Variants in TBCD observed in about 807,000 individuals in gnomAD.
The protein encoded by TBCD is tubulin-specific chaperone D.
TBCD carries 105 observed loss-of-function variants against 169.3 expected under a neutral mutation model. The ratio of observed to expected loss-of-function variants is 0.62; its 90% CI spans 0.53 to 0.73. The LOEUF is 0.73. TBCD is among the 30% of genes least tolerant of loss of function. The probability of loss-of-function intolerance (pLI) is 0.00; values close to 1 mark genes in which losing one functional copy is unlikely to be tolerated. For missense variants in TBCD, 1,444 were observed against 1,600.1 expected, an observed-to-expected ratio of 0.90 and a Z score of 1.66; for synonymous variants, 700 against 643.9, an observed-to-expected ratio of 1.09 and a Z score of -1.32.
At chr17:82,939,342 C>T in intron 36 of TBCD, 25 bp from the exon 37 acceptor site, 1 of 1,590,640 alleles carries the variant, frequency 6.3e-7, no homozygotes, top group Non-Finnish European at 8.6e-7. Flanking sequence ...TTCCCTCCGG[C>T]AAATGCACTG....
intron 34 of TBCD, among the ~76,000 whole-genome samples, chr17:82,936,137 C>T (rs779178786): frequency 1.3e-5 from 2 of 152,198 alleles, no homozygotes; most frequent in African/African-American, 2.4e-5. Flanking sequence ...GTCATTATCA[C>T]GCTCACGTGT....
chr17:82,837,783 T>C (rs952215638), intron 13 of TBCD, among the ~76,000 whole-genome samples: 2 of 152,252 alleles, frequency 1.3e-5, no homozygotes, highest in African/African-American at 4.8e-5. Flanking sequence ...CCCTGACTGC[T>C]GCTGGCTAAT....
intron 28 of TBCD, chr17:82,926,974 T>C: frequency 1.5e-6 from 1 of 671,362 alleles, no homozygotes. Context: ...CCCATCCACC[T>C]TTCAACCGGA....
intron 14 of TBCD, among the ~76,000 whole-genome samples, chr17:82,877,355 T>G (rs1156334850): frequency 1.3e-5 from 2 of 152,220 alleles, no homozygotes; most frequent in Non-Finnish European, 2.9e-5. Context: ...ATAACTTTTT[T>G]TTTTTCTTGA....
intron 13 of TBCD, among the ~76,000 whole-genome samples, chr17:82,848,189 T>G (rs2055311938): frequency 6.6e-6 from 1 of 152,158 alleles, no homozygotes; most frequent in Admixed American, 6.5e-5. Context: ...TTCCAACACC[T>G]TCGCCCTGAG....
chr17:82,884,317 G>A lies in TBCD; in HGVS notation c.1533+115G>A, dbSNP rs1013435943. ...AGCTCACCCATCCACAGCAGGAGCCGCGAGGGAGCTGCTGAGAGTGCCAGC... is the reference window on the plus strand; with the variant it reads ...AGCTCACCCATCCACAGCAGGAGCCACGAGGGAGCTGCTGAGAGTGCCAGC... On this transcript the variant is annotated intron_variant, in intron 15 of 38. Transcript: ENST00000355528. The surrounding 1 kb of genome is among the most constrained non-coding windows in gnomAD (Gnocchi z 4.2). 6 of 975,310 alleles carry A rather than the reference G, an allele frequency of 6.2e-6. No homozygotes were observed. Among genetic ancestry groups the A allele is most frequent in the Admixed American group, 4.0e-5 (2 of 49,400 alleles). The allele number at this position is 975,310 out of a possible 1,614,324, so 60.4% of individuals were successfully genotyped here.
chr17:82,830,242 C>A, intron 13 of TBCD: 2 of 1,614,260 alleles, frequency 1.2e-6, no homozygotes, highest in South Asian at 1.1e-5. Context: ...ATCCCTTAGA[C>A]TTGTCCTCTT....
chr17:82,841,311 AT>A (rs1351658032), intron 13 of TBCD, among the ~76,000 whole-genome samples: 4 of 150,484 alleles, frequency 2.7e-5, no homozygotes, highest in African/African-American at 4.9e-5. Context: ...TTACTTTTAT[AT>A]TTAATTCCTT....
At chr17:82,769,586 T>C (rs1363493600) in intron 5 of TBCD, among the ~76,000 whole-genome samples, 1 of 152,136 alleles carries the variant, frequency 6.6e-6, no homozygotes, top group Non-Finnish European at 1.5e-5. Context: ...TAATTTAACC[T>C]ATACATTGGG....
intron 22 of TBCD, among the ~76,000 whole-genome samples, chr17:82,909,708 C>T (rs1173760159): frequency 2.0e-5 from 3 of 151,718 alleles, no homozygotes; most frequent in Non-Finnish European, 2.9e-5. Flanking sequence ...GGGTGTCACC[C>T]GGCCCGCTGT....
rs745594008 is a variant in TBCD at position 82,832,274 on chromosome 17, G to C, written c.1318+17340G>C. Reference sequence around the variant, plus strand: ...TTAGATTTAGGGCACTTGGGAACTCGATCCTGCTCTGATACTAAAGTAATC... The same window carrying C: ...TTAGATTTAGGGCACTTGGGAACTCCATCCTGCTCTGATACTAAAGTAATC... On this transcript the variant is annotated intron_variant, in intron 13 of 38. Transcript: ENST00000355528. The surrounding 1 kb of genome is among the most constrained non-coding windows in gnomAD (Gnocchi z 4.9). 3 of 1,614,120 alleles carry C rather than the reference G, an allele frequency of 1.9e-6. No individual in the cohort carries two copies. The highest frequency in any genetic ancestry group is 3.3e-5 in the Admixed American group (2 of 60,008).
In TBCD at chr17:82,889,835, A is replaced by G. The variant is rs1016854061; in HGVS notation, c.1563+138A>G. The G allele has an allele frequency of 2.6e-5, 25 of 954,268 alleles. No homozygotes were observed. The highest frequency in any genetic ancestry group is 3.9e-5 in the Non-Finnish European group (25 of 638,138). 59.1% of individuals were successfully genotyped at this position (954,268 alleles called of 1,614,324 possible). A position where few individuals can be genotyped will look rare whatever the true frequency, so the allele number is the denominator to read the frequency against. On this transcript the variant is annotated intron_variant, in intron 16 of 38. Coordinates refer to ENST00000355528, the MANE Select transcript of TBCD (RefSeq NM_005993.5). The surrounding 1 kb of genome is among the most constrained non-coding windows in gnomAD (Gnocchi z 5.3). ...ACATCAATGCCAGGGTCATGAGTTC[A>G]CTATAGGACGCACATGTTAAACAGC...
rs1258992486 is a variant in TBCD, at chr17:82,922,508, A to G, written c.2178+931A>G. Reference sequence around the variant, plus strand: ...TGCTTAGCATTTCTTTTTCCTTAGCATCTTCAATTTTCTTATTTTTTTTTT... The same window carrying G: ...TGCTTAGCATTTCTTTTTCCTTAGCGTCTTCAATTTTCTTATTTTTTTTTT... On this transcript the variant is annotated intron_variant, in intron 25 of 38. Coordinates refer to ENST00000355528, the MANE Select transcript of TBCD (RefSeq NM_005993.5). This position sits in a 1 kb window ranked among gnomAD's most constrained non-coding sequence, Gnocchi z 4.1. Among the ~76,000 whole-genome samples the G allele has an allele frequency of 1.3e-5, 2 of 152,128 alleles. No homozygotes were observed. The highest frequency in any genetic ancestry group is 1.5e-5 in the Non-Finnish European group (1 of 68,010).
intron 16 of TBCD, among the ~76,000 whole-genome samples, chr17:82,891,543 A>C (rs1223079565): frequency 1.3e-5 from 2 of 152,226 alleles, no homozygotes; most frequent in African/African-American, 4.8e-5. Context: ...GGTTGGATAG[A>C]AACATTTGAG....
chr17:82,797,898 A>C (rs1233122595), intron 8 of TBCD, 96 bp downstream of exon 8: 2 of 901,138 alleles, frequency 2.2e-6, no homozygotes, highest in African/African-American at 3.4e-5. Context: ...TAGATATAGG[A>C]ACTGTACATT....
rs574508735 is a variant in TBCD, at chr17:82,909,232, C to T, written c.1984-53C>T. The T allele has an allele frequency of 3.0e-4, 400 of 1,324,180 alleles. 5 individuals carry two copies. In the South Asian group the frequency reaches 5.1e-3, roughly 17 times the overall value. 82.0% of individuals were successfully genotyped at this position (1,324,180 alleles called of 1,614,324 possible). A position where few individuals can be genotyped will look rare whatever the true frequency, so the allele number is the denominator to read the frequency against. ...TGTTTTTGACAGTTGTTAACGTATA[C>T]GTATTATTTTAAAATTTAAATCATT... On this transcript the variant is annotated intron_variant, in intron 21 of 38. Transcript: ENST00000355528.
chr17:82,757,344 G>C (rs2047455408), intron 2 of TBCD, among the ~76,000 whole-genome samples: 1 of 152,132 alleles, frequency 6.6e-6, no homozygotes. Flanking sequence ...ATTTTGGCTG[G>C]GGGTGGTGGC....
Position 82,942,190 on chromosome 17 carries a change from C to T in TBCD, c.3565-259C>T, listed in dbSNP as rs149486623. On this transcript the variant is annotated intron_variant, in intron 38 of 38. Transcript: ENST00000355528. ...CATTTTTATTAGGAAAAATTTCAAA[C>T]GTGTGAATGCAGGTTAAGAGCAGTG... 6.0e-3 allele frequency: 3,303 copies of T among 551,254 alleles called. 22 individuals carry two copies. Among genetic ancestry groups the T allele is most frequent in the Non-Finnish European group, 6.8e-3 (2,147 of 314,990 alleles). The allele number at this position is 551,254 out of a possible 1,614,324, so 34.1% of individuals were successfully genotyped here. A position where few individuals can be genotyped will look rare whatever the true frequency, so the allele number is the denominator to read the frequency against.
At chr17:82,830,381 TGTAG>T (rs2053375558) in intron 13 of TBCD, 1 of 1,612,594 alleles carries the variant, frequency 6.2e-7, no homozygotes, top group South Asian at 1.1e-5. Context: ...TTCCTGGGGC[TGTAG>T]GCCGCCAGCT....
Sources: allele counts gnomAD v4.1 joint callset (sites outside exome capture counted in the v4.1 genomes callset), GRCh38; gene constraint gnomAD v4.1.1; non-coding constraint Gnocchi (gnomAD v3.1); transcripts MANE v1.5; gene names NCBI Gene and HGNC (gene_info 2026-07-23, HGNC 2026-07-21).